The following ODAD2 variants were observed in gnomAD, a reference collection of about 807,000 sequenced individuals.
ODAD2 encodes outer dynein arm-docking complex subunit 2.
Under a neutral mutation model 106.8 loss-of-function variants are expected in ODAD2, and 89 were observed. The ratio of observed to expected loss-of-function variants is 0.83; its 90% CI spans 0.70 to 0.99. The LOEUF (loss-of-function observed/expected upper bound fraction) is 0.99, where lower values mean the gene tolerates loss of function less well. Ranked by LOEUF, ODAD2 falls within the 50% of genes least tolerant of loss-of-function variation. The pLI is 0.00. For synonymous variants in ODAD2, 404 were observed against 436.2 expected (o/e 0.93, Z 0.92); for missense variants, 1,168 against 1,238.5 (o/e 0.94, Z 0.85).
intron 19 of ODAD2, among the ~76,000 whole-genome samples, chr10:27,831,483 T>C (rs1837475090): frequency 6.6e-6 from 1 of 152,196 alleles, no homozygotes; most frequent in Non-Finnish European, 1.5e-5. Context: ...ACTGATTCAT[T>C]TGAAGTTCTC....
intron 19 of ODAD2, among the ~76,000 whole-genome samples, chr10:27,832,947 T>G (rs1419112754): frequency 6.6e-6 from 1 of 152,258 alleles, no homozygotes; most frequent in East Asian, 1.9e-4. Context: ...TTTAGTAAAG[T>G]CGAAGGATAT....
At chr10:27,859,499 C>A (rs1413816487) in intron 19 of ODAD2, among the ~76,000 whole-genome samples, 1 of 152,064 alleles carries the variant, frequency 6.6e-6, no homozygotes, top group Non-Finnish European at 1.5e-5. Context: ...TGTTTCATAT[C>A]TAGCATATCT....
intron 19 of ODAD2, among the ~76,000 whole-genome samples, chr10:27,841,332 C>T (rs936765500): frequency 2.6e-5 from 4 of 152,162 alleles, no homozygotes; most frequent in African/African-American, 7.2e-5. Flanking sequence ...ATTTCTCATG[C>T]GCTTACAGCT....
At chr10:27,921,771 ATAAT>A (rs773727708) in intron 16 of ODAD2, among the ~76,000 whole-genome samples, 1 of 152,042 alleles carries the variant, frequency 6.6e-6, no homozygotes. Context: ...CAAAGGCAAA[ATAAT>A]TAGACAAGCA....
chr10:27,841,918 C>A (rs1458345951), intron 19 of ODAD2, among the ~76,000 whole-genome samples: 1 of 152,122 alleles, frequency 6.6e-6, no homozygotes, highest in Admixed American at 6.6e-5. Flanking sequence ...CCATGCCTGG[C>A]TTATTTATTT....
In ODAD2 at chr10:27,968,954, A is replaced by T. The variant is rs150723128; in HGVS notation, c.1207T>A (p.Ser403Thr). ...HTGKLEKPRP[S>T]VSHGRAQLLR... is the part of the protein sequence containing the mutation. ...AATTGTGCTCTTCCGTGTGAAACAG[A>T]TGGTCTTGGTTTTTCAAGTTTTCCT... Residue 403 changes from serine to threonine, a missense_variant, in exon 9 of 20, where the codon TCT becomes ACT. This residue lies in a region of ODAD2 where 430 missense variants were observed against 452.2 expected (regional missense o/e 0.95). Coordinates refer to ENST00000305242, the MANE Select transcript of ODAD2 (RefSeq NM_018076.5). The T allele has an allele frequency of 1.9e-3, 1,276 of 663,638 alleles. 7 individuals are homozygous for T. The highest frequency in any genetic ancestry group is 2.7e-3 in the Non-Finnish European group (1,027 of 381,270). 41.1% of individuals were successfully genotyped at this position (663,638 alleles called of 1,614,324 possible). A position where few individuals can be genotyped will look rare whatever the true frequency, so the allele number is the denominator to read the frequency against.
intron 19 of ODAD2, among the ~76,000 whole-genome samples, chr10:27,854,117 C>A (rs1192065080): frequency 6.6e-6 from 1 of 152,098 alleles, no homozygotes; most frequent in Non-Finnish European, 1.5e-5. Context: ...GATATACAAG[C>A]ACATAGGATG....
intron 19 of ODAD2, among the ~76,000 whole-genome samples, chr10:27,831,330 C>CCCAAAT (rs1837463441): frequency 6.6e-6 from 1 of 152,094 alleles, no homozygotes; most frequent in Admixed American, 6.6e-5. Flanking sequence ...CATTCCCCTG[C>CCCAAAT]CCAAATCCAC....
In ODAD2 at chr10:27,822,929, AG is replaced by A. The variant is rs773634929; in HGVS notation, c.3022-10305del. The stretch of plus-strand genomic sequence containing the variant: ...TTTCTTCACGAACTTTCCACTAGAG[AG>A]CTTTAATGCCCAAACAGACAGACAG... On this transcript the variant is annotated intron_variant, in intron 19 of 19. Coordinates refer to ENST00000305242, the MANE Select transcript of ODAD2 (RefSeq NM_018076.5). Among the ~76,000 whole-genome samples, 13 of 152,218 alleles carry A rather than the reference AG, an allele frequency of 8.5e-5. No individual in the cohort carries two copies. The East Asian group carries it at 2.3e-3, about 27-fold the overall frequency.
chr10:27,996,723 T>G (rs1850577259), intron 1 of ODAD2, among the ~76,000 whole-genome samples: 2 of 152,204 alleles, frequency 1.3e-5, no homozygotes, highest in African/African-American at 2.4e-5. Flanking sequence ...TACATGGAAT[T>G]TTACCAAGAG....
At chr10:27,982,542 C>T (rs1285955817) in intron 6 of ODAD2, among the ~76,000 whole-genome samples, 1 of 152,120 alleles carries the variant, frequency 6.6e-6, no homozygotes, top group Non-Finnish European at 1.5e-5. Flanking sequence ...TATTTGTCTA[C>T]TGCCTCTTTG....
intron 19 of ODAD2, among the ~76,000 whole-genome samples, chr10:27,827,759 C>G (rs1199005758): frequency 1.3e-5 from 2 of 152,116 alleles, no homozygotes; most frequent in Non-Finnish European, 2.9e-5. Flanking sequence ...TCTAAAGGGT[C>G]AATAGGACCC....
At chr10:27,911,804 T>G (rs1312431542) in intron 16 of ODAD2, among the ~76,000 whole-genome samples, 1 of 152,192 alleles carries the variant, frequency 6.6e-6, no homozygotes, top group East Asian at 1.9e-4. Flanking sequence ...TGTGTGCTTC[T>G]TATCTCCCCA....
intron 16 of ODAD2, among the ~76,000 whole-genome samples, chr10:27,933,654 T>C (rs60648256): frequency 0.069 from 10,425 of 152,012 alleles, 1,142 homozygotes; most frequent in African/African-American, 0.23. Flanking sequence ...AGACAAAAAA[T>C]AAAGAGGAAC....
At chr10:27,998,923 C>A in intron 1 of ODAD2, 71 bp downstream of exon 1, 1 of 148,280 alleles carries the variant, frequency 6.7e-6, no homozygotes, top group South Asian at 2.0e-4. Flanking sequence ...CCCGTGCCCT[C>A]CCCCGGGCGC....
At chr10:27,862,351 G>T in intron 18 of ODAD2, 83 bp downstream of exon 18, 1 of 1,128,046 alleles carries the variant, frequency 8.9e-7, no homozygotes, top group Non-Finnish European at 1.2e-6. Context: ...CCAGGTTTCT[G>T]GACTGCAAAT....
intron 19 of ODAD2, among the ~76,000 whole-genome samples, chr10:27,857,950 G>T (rs1178078533): frequency 6.6e-6 from 1 of 152,162 alleles, no homozygotes; most frequent in Non-Finnish European, 1.5e-5. Context: ...GACAGCCAGG[G>T]TTTTGCCAAA....
chr10:27,997,380 T>G (rs1482001850), intron 1 of ODAD2: 1 of 151,836 alleles, frequency 6.6e-6, no homozygotes, highest in African/African-American at 2.4e-5. Context: ...CTGTCTTTAA[T>G]CTTAAGTATA....
intron 16 of ODAD2, among the ~76,000 whole-genome samples, chr10:27,931,533 A>AT (rs1031110830): frequency 3.9e-4 from 58 of 150,112 alleles, no homozygotes; most frequent in African/African-American, 3.2e-4. Context: ...TTTATCAGTG[A>AT]TTTTTTTTTC....
Sources: gnomAD v4.1 joint callset for allele counts (sites outside exome capture counted in the v4.1 genomes callset) on GRCh38, gnomAD v4.1.1 for gene constraint, gnomAD v4.1.1 regional missense constraint, MANE v1.5 for transcripts, NCBI Gene and HGNC (gene_info 2026-07-23, HGNC 2026-07-21) for gene names.